The following TMEM184B variants were observed in gnomAD, a reference collection of about 807,000 sequenced individuals.
TMEM184B encodes the protein transmembrane protein 184B, also known as putative MAPK-activating protein FM08.
TMEM184B carries 17 observed loss-of-function variants against 41.8 expected under a neutral mutation model. The ratio of observed to expected loss-of-function variants is 0.41; its 90% CI spans 0.28 to 0.61. The LOEUF is 0.61. Among genes scored for constraint, TMEM184B ranks in the 20% least tolerant of loss-of-function variants. The probability of loss-of-function intolerance (pLI) is 0.34; values close to 1 mark genes in which losing one functional copy is unlikely to be tolerated. For missense variants in TMEM184B, 393 were observed against 557.8 expected, an observed-to-expected ratio of 0.70 and a Z score of 2.98; for synonymous variants, 240 against 229.5, an observed-to-expected ratio of 1.05 and a Z score of -0.41.
At position 38,272,782 on chromosome 22, in the gene TMEM184B, G is replaced by A; in HGVS notation, c.-59+102C>T. The A allele has an allele frequency of 3.0e-6, 3 of 985,184 alleles. No homozygotes were observed. In the South Asian group the frequency reaches 1.4e-4, roughly 46 times the overall value. 61.0% of individuals were successfully genotyped at this position (985,184 alleles called of 1,614,324 possible). ...CGCCCGGGAGCCGGCGGCCGAAGCC[G>A]GGCGTCCCTCGCGCGGGCCTCTCCG... On this transcript the variant is annotated intron_variant, in intron 1 of 8. Coordinates refer to ENST00000361906, the MANE Select transcript of TMEM184B (RefSeq NM_012264.5).
chr22:38,224,336 G>A (rs962097677), intron 8 of TMEM184B, among the ~76,000 whole-genome samples: 41 of 152,292 alleles, frequency 2.7e-4, no homozygotes, highest in African/African-American at 9.4e-4. Context: ...GGATGGTCTC[G>A]ATCTCCTGAC....
intron 3 of TMEM184B, among the ~76,000 whole-genome samples, chr22:38,240,737 A>G (rs1319366568): frequency 3.6e-5 from 4 of 112,642 alleles, no homozygotes; most frequent in Non-Finnish European, 6.2e-5. Context: ...AAAGGCAAAA[A>G]AAAAAAAAAA....
chr22:38,250,944 T>G (rs2092148590), intron 1 of TMEM184B, among the ~76,000 whole-genome samples: 1 of 152,176 alleles, frequency 6.6e-6, no homozygotes, highest in Non-Finnish European at 1.5e-5. Flanking sequence ...CCCAGAGATG[T>G]GAGTGACTTA....
At chr22:38,227,277 A>C in intron 5 of TMEM184B, among the ~76,000 whole-genome samples, 1 of 152,120 alleles carries the variant, frequency 6.6e-6, no homozygotes, top group Non-Finnish European at 1.5e-5. Flanking sequence ...AGCCAGGACC[A>C]TCAGGTGGGT....
chr22:38,224,306 G>A (rs1864732481), intron 8 of TMEM184B, among the ~76,000 whole-genome samples: 1 of 152,262 alleles, frequency 6.6e-6, no homozygotes, highest in Admixed American at 6.5e-5. Flanking sequence ...AGTAGAGACA[G>A]GGTTTCACCG....
chr22:38,259,412 T>A (rs1165234008), intron 1 of TMEM184B, among the ~76,000 whole-genome samples: 1 of 152,192 alleles, frequency 6.6e-6, no homozygotes, highest in Non-Finnish European at 1.5e-5. Flanking sequence ...AATGAGAGAT[T>A]ATCCTGGATA....
chr22:38,222,832 A>C (rs2091300068), intron 8 of TMEM184B: 2 of 494,104 alleles, frequency 4.0e-6, no homozygotes, highest in Non-Finnish European at 5.2e-6. Context: ...CCCACAGGGC[A>C]CCCAGGAAGC....
chr22:38,245,730 C>T (rs934821249), intron 3 of TMEM184B, among the ~76,000 whole-genome samples: 1 of 152,034 alleles, frequency 6.6e-6, no homozygotes, highest in Non-Finnish European at 1.5e-5. Flanking sequence ...AGGTGGAGGG[C>T]CCTTGCTTCC....
chr22:38,246,962 A>AT, intron 2 of TMEM184B: 1 of 989,574 alleles, frequency 1.0e-6, no homozygotes, highest in African/African-American at 1.7e-5. Context: ...TCTAAAAGGG[A>AT]TGGGGACACA....
At chr22:38,246,935 C>A (rs1212971748) in intron 2 of TMEM184B, 10 of 1,235,716 alleles carry the variant, frequency 8.1e-6, no homozygotes, top group Non-Finnish European at 8.6e-6. Context: ...AGCCAAAAGC[C>A]TTGGACGCAA....
At chr22:38,255,920 C>T (rs1179222642) in intron 1 of TMEM184B, among the ~76,000 whole-genome samples, 1 of 152,114 alleles carries the variant, frequency 6.6e-6, no homozygotes, top group Non-Finnish European at 1.5e-5. Flanking sequence ...CAGGGGAGTT[C>T]CTTCCAGGTG....
rs1469470543 is a variant in TMEM184B, at chr22:38,219,973, C to T, written c.*1496G>A. 1.0e-6 allele frequency: 1 copy of T among 985,418 alleles called. No homozygotes were observed. The highest frequency in any genetic ancestry group is 1.2e-6 in the Non-Finnish European group (1 of 829,950). The allele number at this position is 985,418 out of a possible 1,614,324, so 61.0% of individuals were successfully genotyped here. A position where few individuals can be genotyped will look rare whatever the true frequency, so the allele number is the denominator to read the frequency against. On this transcript the variant is annotated 3_prime_UTR_variant, in exon 9 of 9. Transcript: ENST00000361906. Reference sequence around the variant, plus strand: ...CTCCTCACAGGTGGCAGGGAGGGAACCTGTTCATTCCAGGAAGGACCAAAA... The same window carrying T: ...CTCCTCACAGGTGGCAGGGAGGGAATCTGTTCATTCCAGGAAGGACCAAAA...
intron 8 of TMEM184B, chr22:38,222,534 G>T (rs2091289797): frequency 1.0e-6 from 1 of 962,112 alleles, no homozygotes; most frequent in African/African-American, 1.8e-5. Context: ...GGGGGTGCCG[G>T]TGGGGAGGAG....
At chr22:38,251,568 GACC>G (rs1359998955) in intron 1 of TMEM184B, among the ~76,000 whole-genome samples, 2 of 152,330 alleles carry the variant, frequency 1.3e-5, no homozygotes, top group East Asian at 3.9e-4. Context: ...CCAAGTCAGT[GACC>G]ACAAGGCCAG....
intron 3 of TMEM184B, 23 bp downstream of exon 3, chr22:38,245,912 C>A: frequency 7.0e-7 from 1 of 1,422,620 alleles, no homozygotes; most frequent in African/African-American, 1.4e-5. Context: ...CGCCAGCCCT[C>A]CCCACTCCGT....
downstream of TMEM184B, chr22:38,219,272 A>G: frequency 2.0e-6 from 2 of 985,608 alleles, no homozygotes; most frequent in Non-Finnish European, 2.4e-6. Flanking sequence ...GGAGGAAGGA[A>G]AAACCTCACC....
At chr22:38,264,075 G>A (rs1165484522) in intron 1 of TMEM184B, among the ~76,000 whole-genome samples, 3 of 152,222 alleles carry the variant, frequency 2.0e-5, no homozygotes, top group Admixed American at 6.5e-5. Flanking sequence ...AAAGTGCTGG[G>A]ATTACAGGCG....
At position 38,224,404 on chromosome 22, in the gene TMEM184B, G is replaced by A. The variant is rs184365342; in HGVS notation, c.982+381C>T. On this transcript the variant is annotated intron_variant, in intron 8 of 8. Coordinates refer to ENST00000361906, the MANE Select transcript of TMEM184B (RefSeq NM_012264.5). ...GCTGGGATTATAGGCGTGAGCCACCGTGCCCGGCCAGAAGTATCCTTTTTT... is the reference window on the plus strand; with the variant it reads ...GCTGGGATTATAGGCGTGAGCCACCATGCCCGGCCAGAAGTATCCTTTTTT... Among the ~76,000 whole-genome samples the A allele has an allele frequency of 2.3e-3, 346 of 152,322 alleles. 2 individuals carry two copies. Among genetic ancestry groups the A allele is most frequent in the African/African-American group, 7.7e-3 (322 of 41,582 alleles).
rs914040337 is a variant in TMEM184B at position 38,272,997 on chromosome 22, G to C, written c.-172C>G. On this transcript the variant is annotated 5_prime_UTR_variant, in exon 1 of 9. Transcript: ENST00000361906. Reference sequence around the variant, plus strand: ...GTCTCCGCCGCCGCCGGCGCGTCCCGGGCCCAGTGGAGTGCAGCCGCGGCG... The same window carrying C: ...GTCTCCGCCGCCGCCGGCGCGTCCCCGGCCCAGTGGAGTGCAGCCGCGGCG... 5.3e-6 allele frequency: 1 copy of C among 188,220 alleles called. No homozygotes were observed. Among genetic ancestry groups the C allele is most frequent in the South Asian group, 1.8e-4 (1 of 5,538 alleles). 11.7% of individuals were successfully genotyped at this position (188,220 alleles called of 1,614,324 possible). A position where few individuals can be genotyped will look rare whatever the true frequency, so the allele number is the denominator to read the frequency against.
Sources: gnomAD v4.1 joint callset for allele counts (sites outside exome capture counted in the v4.1 genomes callset) on GRCh38, gnomAD v4.1.1 for gene constraint, MANE v1.5 for transcripts, NCBI Gene and HGNC (gene_info 2026-07-23, HGNC 2026-07-21) for gene names.